Variants in PPM1H observed in about 807,000 individuals in gnomAD.
PPM1H encodes protein phosphatase 1H.
In PPM1H, 27 loss-of-function variants were observed where a neutral mutation model predicts 54.9. The ratio of observed to expected loss-of-function variants is 0.49; its 90% CI spans 0.36 to 0.68. The LOEUF (loss-of-function observed/expected upper bound fraction) is 0.68. Among genes scored for constraint, PPM1H ranks in the 30% least tolerant of loss-of-function variants. PPM1H has a pLI of 0.00. For missense variants in PPM1H, 596 were observed against 667.8 expected, an observed-to-expected ratio of 0.89 and a Z score of 1.19; for synonymous variants, 305 against 270.8, an observed-to-expected ratio of 1.13 and a Z score of -1.24.
chr12:62,699,791 G>A (rs141424338), intron 6 of PPM1H, among the ~76,000 whole-genome samples: 7 of 152,212 alleles, frequency 4.6e-5, no homozygotes, highest in East Asian at 3.9e-4. Flanking sequence ...GAAACAATCC[G>A]ATTTCTTACA....
At chr12:62,895,702 G>T (rs1249466429) in intron 1 of PPM1H, among the ~76,000 whole-genome samples, 3 of 152,142 alleles carry the variant, frequency 2.0e-5, no homozygotes, top group African/African-American at 7.2e-5. Context: ...TTGTTGAAAA[G>T]AGCCTGGGGG....
At chr12:62,683,033 T>TTTTTTTTTTTTA (rs1491110813) in intron 8 of PPM1H, among the ~76,000 whole-genome samples, 49 of 133,674 alleles carry the variant, frequency 3.7e-4, no homozygotes, top group Non-Finnish European at 6.5e-4. Flanking sequence ...GAGTTTATTA[T>TTTTTTTTTTTTA]TTATTATTAT....
At chr12:62,688,943 C>A (rs2076069340) in intron 8 of PPM1H, among the ~76,000 whole-genome samples, 1 of 152,210 alleles carries the variant, frequency 6.6e-6, no homozygotes, top group Admixed American at 6.5e-5. Flanking sequence ...TTGCAGTTAG[C>A]CGATATCATG....
chr12:62,734,099 C>T (rs2076338180), intron 5 of PPM1H, among the ~76,000 whole-genome samples: 1 of 150,816 alleles, frequency 6.6e-6, no homozygotes, highest in Non-Finnish European at 1.5e-5. Context: ...AAAAGAGGCT[C>T]CAGGGAGCAT....
chr12:62,752,755 G>A (rs2076448905), intron 4 of PPM1H, among the ~76,000 whole-genome samples: 1 of 152,116 alleles, frequency 6.6e-6, no homozygotes, highest in African/African-American at 2.4e-5. Flanking sequence ...AAATGAGTCT[G>A]AACTATGTCT....
chr12:62,801,928 C>T lies in PPM1H; in HGVS notation c.644G>A (p.Gly215Glu), dbSNP rs1014446311. Residue 215 changes from glycine to glutamate, a missense_variant, in exon 3 of 10, where the codon GGG becomes GAG. Gly to Glu is a moderately conservative substitution (Grantham distance 98, BLOSUM62 -2). Coordinates refer to ENST00000228705, the MANE Select transcript of PPM1H (RefSeq NM_020700.2). ...GCTGGGGGAGCCCGGGGCCCCCACC[C>T]CTCCGCGCAGGGAGGCTGCCCGGGT... ...TLTRAASLRG[G>E]VGAPGSPSTP... 3 of 1,613,030 alleles carry T rather than the reference C, an allele frequency of 1.9e-6. No homozygotes were observed. The highest frequency in any genetic ancestry group is 2.5e-6 in the Non-Finnish European group (3 of 1,179,518).
At chr12:62,829,584 C>G (rs1165305545) in intron 2 of PPM1H, among the ~76,000 whole-genome samples, 1 of 152,208 alleles carries the variant, frequency 6.6e-6, no homozygotes, top group African/African-American at 2.4e-5. Context: ...ATAGGTAAAG[C>G]AGACAGAAAT....
At chr12:62,810,348 T>A (rs1003951097) in intron 2 of PPM1H, among the ~76,000 whole-genome samples, 57 of 152,264 alleles carry the variant, frequency 3.7e-4, no homozygotes, top group African/African-American at 1.3e-3. Flanking sequence ...GGAGTCTGCA[T>A]CTGGGACCCT....
intron 1 of PPM1H, among the ~76,000 whole-genome samples, chr12:62,923,691 T>A (rs763434259): frequency 6.6e-6 from 1 of 152,192 alleles, no homozygotes; most frequent in African/African-American, 2.4e-5. Flanking sequence ...CATGAGCCAC[T>A]GAGCCTGGCC....
intron 3 of PPM1H, among the ~76,000 whole-genome samples, chr12:62,796,998 C>G (rs1452474584): frequency 6.6e-6 from 1 of 152,152 alleles, no homozygotes; most frequent in African/African-American, 2.4e-5. Flanking sequence ...CAAAAAGATA[C>G]TTATCACTTT....
chr12:62,782,058 G>A (rs1011268545), intron 4 of PPM1H, among the ~76,000 whole-genome samples: 2 of 152,148 alleles, frequency 1.3e-5, no homozygotes, highest in Non-Finnish European at 2.9e-5. Flanking sequence ...GCCAAAGAAA[G>A]TGAGAGGAAT....
chr12:62,830,184 A>G (rs1332417160), intron 2 of PPM1H, among the ~76,000 whole-genome samples: 1 of 152,238 alleles, frequency 6.6e-6, no homozygotes, highest in African/African-American at 2.4e-5. Flanking sequence ...ACTGGAGTTC[A>G]TATTTCCAAT....
chr12:62,918,936 G>C (rs552830754), intron 1 of PPM1H, among the ~76,000 whole-genome samples: 50 of 152,306 alleles, frequency 3.3e-4, no homozygotes, highest in African/African-American at 1.1e-3. Flanking sequence ...GATAGTTTAT[G>C]TTCTAAGTTC....
intron 1 of PPM1H, among the ~76,000 whole-genome samples, chr12:62,907,601 G>A (rs1311890103): frequency 4.6e-5 from 7 of 152,178 alleles, no homozygotes; most frequent in African/African-American, 1.7e-4. Flanking sequence ...AAATGTTCTA[G>A]TCTAAGTCTC....
chr12:62,786,592 G>C (rs1490067058), intron 4 of PPM1H, among the ~76,000 whole-genome samples: 1 of 152,130 alleles, frequency 6.6e-6, no homozygotes, highest in African/African-American at 2.4e-5. Flanking sequence ...ACTCTCCTTG[G>C]CTCTGCTACA....
chr12:62,934,869 G>C lies in PPM1H; in HGVS notation c.-133C>G. 1.1e-6 allele frequency: 1 copy of C among 910,026 alleles called. No individual in the cohort carries two copies. Among genetic ancestry groups the C allele is most frequent in the African/African-American group, 1.8e-5 (1 of 56,766 alleles). 56.4% of individuals were successfully genotyped at this position (910,026 alleles called of 1,614,324 possible). A position where few individuals can be genotyped will look rare whatever the true frequency, so the allele number is the denominator to read the frequency against. ...CGGGCCACTGGGACGCGCCGCGCGCGGCTCCCAGAGCCTAGTGCTGCAGGG... is the reference window on the plus strand; with the variant it reads ...CGGGCCACTGGGACGCGCCGCGCGCCGCTCCCAGAGCCTAGTGCTGCAGGG... On this transcript the variant is annotated 5_prime_UTR_variant, in exon 1 of 10. Coordinates refer to ENST00000228705, the MANE Select transcript of PPM1H (RefSeq NM_020700.2). This position sits in a 1 kb window ranked among gnomAD's most constrained non-coding sequence, Gnocchi z 4.2.
intron 1 of PPM1H, among the ~76,000 whole-genome samples, chr12:62,922,166 ATACTC>A (rs1871820623): frequency 6.6e-6 from 1 of 152,230 alleles, no homozygotes; most frequent in African/African-American, 2.4e-5. Context: ...AGAGACTACT[ATACTC>A]AATAGAACTA....
intron 4 of PPM1H, among the ~76,000 whole-genome samples, chr12:62,770,448 T>A (rs1016368486): frequency 6.6e-6 from 1 of 152,208 alleles, no homozygotes; most frequent in Non-Finnish European, 1.5e-5. Flanking sequence ...AATCAGTATA[T>A]AACCTGCTCT....
At position 62,720,089 on chromosome 12, in the gene PPM1H, C is replaced by T. The variant is rs1009370808; in HGVS notation, c.1073+82G>A. On this transcript the variant is annotated intron_variant, in intron 6 of 9. Transcript: ENST00000228705. ...CTCTGGCTGTGCTTCCTGATCCAAA[C>T]TGTGTAACTGGCTGTTTATGGTGGT... 7 of 1,230,310 alleles carry T rather than the reference C, an allele frequency of 5.7e-6. No individual in the cohort carries two copies. In the African/African-American group the frequency reaches 1.0e-4, roughly 18 times the overall value. 76.2% of individuals were successfully genotyped at this position (1,230,310 alleles called of 1,614,324 possible). A position where few individuals can be genotyped will look rare whatever the true frequency, so the allele number is the denominator to read the frequency against.
Sources: gnomAD v4.1 joint callset for allele counts (sites outside exome capture counted in the v4.1 genomes callset) on GRCh38, gnomAD v4.1.1 for gene constraint, Gnocchi (gnomAD v3.1) non-coding constraint, MANE v1.5 for transcripts, NCBI Gene and HGNC (gene_info 2026-07-23, HGNC 2026-07-21) for gene names.